Variants in LRRC4B observed in about 807,000 individuals in gnomAD.
The protein encoded by LRRC4B is leucine-rich repeat-containing protein 4B.
LRRC4B carries 1 observed loss-of-function variant against 7.3 expected under a neutral mutation model. The ratio of observed to expected loss-of-function variants is 0.14; its 90% CI spans 0.05 to 0.65. LRRC4B has a LOEUF of 0.65. Among genes scored for constraint, LRRC4B ranks in the 30% least tolerant of loss-of-function variants. The pLI, the probability that LRRC4B is intolerant of heterozygous loss-of-function variation, is 0.84. For synonymous variants in LRRC4B, 500 were observed against 499.2 expected (o/e 1.00, Z -0.02); for missense variants, 730 against 1,041.6 (o/e 0.70, Z 4.12).
intron 1 of LRRC4B, among the ~76,000 whole-genome samples, chr19:50,550,449 TGGACTCTCAGGACCCCCCTCTCAC>T (rs1326767419): frequency 4.1e-5 from 3 of 74,016 alleles, no homozygotes; most frequent in Non-Finnish European, 9.0e-5. Flanking sequence ...CCTCTCACGG[TGGACTCTCAGGACCCCCCTCTCAC>T]GGTGGACTCT....
chr19:50,567,369 C>T (rs1982663983), intron 1 of LRRC4B, among the ~76,000 whole-genome samples: 1 of 151,756 alleles, frequency 6.6e-6, no homozygotes, highest in African/African-American at 2.4e-5. Context: ...TCTCACTCCC[C>T]AATCACCCCC....
At chr19:50,559,707 C>A (rs1173360139) in intron 1 of LRRC4B, among the ~76,000 whole-genome samples, 2 of 152,246 alleles carry the variant, frequency 1.3e-5, no homozygotes, top group African/African-American at 4.8e-5. Context: ...TTTTCTCTCA[C>A]AGGGTTGTGC....
intron 2 of LRRC4B, among the ~76,000 whole-genome samples, chr19:50,543,557 T>C (rs940686752): frequency 2.0e-5 from 3 of 151,588 alleles, no homozygotes; most frequent in Admixed American, 6.6e-5. Flanking sequence ...AACTCAGAAA[T>C]TGGAAATAAG....
Position 50,564,437 on chromosome 19 carries a change from C to T in LRRC4B, c.-36+3507G>A, listed in dbSNP as rs1982561972. Among the ~76,000 whole-genome samples the T allele has an allele frequency of 3.3e-5, 5 of 151,442 alleles. No homozygotes were observed. In the South Asian group the frequency reaches 8.4e-4, roughly 25 times the overall value. ...GCAGGAACAGCAGCAGAGGTGAGGG[C>T]GAGTGACACAGAGGGACAAAGAAGG... is the stretch of plus-strand genomic sequence containing the variant. On this transcript the variant is annotated intron_variant, in intron 1 of 2. Transcript: ENST00000652263.
intron 1 of LRRC4B, chr19:50,557,915 C>A (rs916375485): frequency 6.6e-6 from 1 of 152,098 alleles, no homozygotes; most frequent in East Asian, 1.9e-4. Flanking sequence ...GAGCCCGTTA[C>A]GATGATACAC....
intron 2 of LRRC4B, among the ~76,000 whole-genome samples, chr19:50,544,485 C>T (rs935852428): frequency 3.4e-5 from 5 of 147,828 alleles, no homozygotes; most frequent in Admixed American, 6.8e-5. Flanking sequence ...CCAGCCTGGG[C>T]GACAGAGCGA....
chr19:50,522,459 A>ATTATATAT (rs1555805582), intron 2 of LRRC4B, among the ~76,000 whole-genome samples: 3 of 147,094 alleles, frequency 2.0e-5, no homozygotes, highest in Non-Finnish European at 4.5e-5. Context: ...TATTTTATTT[A>ATTATATAT]TTATTTATTT....
intron 2 of LRRC4B, among the ~76,000 whole-genome samples, chr19:50,542,080 C>T (rs1163625017): frequency 6.6e-6 from 1 of 152,218 alleles, no homozygotes; most frequent in African/African-American, 2.4e-5. Context: ...AGCAACAATA[C>T]CCATTTTGCA....
intron 1 of LRRC4B, among the ~76,000 whole-genome samples, chr19:50,552,598 A>G (rs1324635948): frequency 2.6e-4 from 28 of 109,266 alleles, no homozygotes; most frequent in African/African-American, 9.6e-4. Flanking sequence ...CTGTCCATCC[A>G]TCCATCCATC....
At chr19:50,566,456 C>T (rs1982631938) in intron 1 of LRRC4B, among the ~76,000 whole-genome samples, 1 of 151,532 alleles carries the variant, frequency 6.6e-6, no homozygotes. Flanking sequence ...AATTCCCCAC[C>T]CCGACAGAAA....
intron 2 of LRRC4B, among the ~76,000 whole-genome samples, chr19:50,546,748 C>T (rs570494366): frequency 6.6e-6 from 1 of 152,192 alleles, no homozygotes; most frequent in Admixed American, 6.5e-5. Flanking sequence ...CTCGCCCCCC[C>T]ACAAAGAGAA....
Position 50,548,730 on chromosome 19 carries a change from C to A in LRRC4B, c.109G>T (p.Gly37Cys). The change falls in exon 2 of 3, where the codon GGT becomes TGT. Residue 37 changes from glycine to cysteine, a missense_variant. By Grantham distance (159) the Gly-to-Cys change is radical. Around this residue, in one of 6 missense-constraint regions of LRRC4B, gnomAD observed 143 missense variants for 158.4 expected, o/e 0.90. Coordinates refer to ENST00000652263, the MANE Select transcript of LRRC4B (RefSeq NM_001080457.2). This position sits in a 1 kb window ranked among gnomAD's most constrained non-coding sequence, Gnocchi z 6.8. ...LWLFSPPLGAGGGGVAVTSAA... is the reference protein window; with the variant it reads ...LWLFSPPLGACGGGVAVTSAA... ...GACGTCACGGCCACTCCACCTCCAC[C>A]GGCCCCCAGGGGTGGGGAGAAGAGC... is the stretch of plus-strand genomic sequence containing the variant. 6.5e-7 allele frequency: 1 copy of A among 1,540,682 alleles called. No individual in the cohort carries two copies. The highest frequency in any genetic ancestry group is 2.4e-5 in the East Asian group (1 of 41,342).
At chr19:50,558,496 C>G (rs1023487043) in intron 1 of LRRC4B, among the ~76,000 whole-genome samples, 21 of 152,208 alleles carry the variant, frequency 1.4e-4, no homozygotes, top group Non-Finnish European at 1.9e-4. Flanking sequence ...TCCCAAAGTG[C>G]TGGATTATAA....
chr19:50,562,268 C>T (rs1026211191), intron 1 of LRRC4B, among the ~76,000 whole-genome samples: 14 of 152,108 alleles, frequency 9.2e-5, no homozygotes, highest in African/African-American at 3.1e-4. Context: ...TTTGGAGTCC[C>T]GGCTCTGCCA....
At chr19:50,532,236 CA>C (rs1354813999) in intron 2 of LRRC4B, among the ~76,000 whole-genome samples, 1 of 150,478 alleles carries the variant, frequency 6.6e-6, no homozygotes, top group Non-Finnish European at 1.5e-5. Context: ...TCTGTCTCAA[CA>C]AAAACAAAAA....
rs574133739 is a variant in LRRC4B at position 50,563,550 on chromosome 19, A to C, written c.-36+4394T>G. On this transcript the variant is annotated intron_variant, in intron 1 of 2. Transcript: ENST00000652263. The surrounding 1 kb of genome is among the most constrained non-coding windows in gnomAD (Gnocchi z 4.9). Reference sequence around the variant, plus strand: ...CTGGAGGTGAGGCCCTCCCTCCAGAAACAGCGTCCGCATCCCAGGTCCTCT... The same window carrying C: ...CTGGAGGTGAGGCCCTCCCTCCAGACACAGCGTCCGCATCCCAGGTCCTCT... Among the ~76,000 whole-genome samples, 6 of 152,156 alleles carry C rather than the reference A, an allele frequency of 3.9e-5. No homozygotes were observed. The East Asian group carries it at 1.2e-3, about 29-fold the overall frequency.
In LRRC4B at chr19:50,517,519, C is replaced by T. The variant is rs1000628535; in HGVS notation, c.*52G>A. 1.5e-5 allele frequency: 20 copies of T among 1,372,952 alleles called. No individual in the cohort carries two copies. The African/African-American group carries it at 2.1e-4, about 15-fold the overall frequency. 85.0% of individuals were successfully genotyped at this position (1,372,952 alleles called of 1,614,324 possible). On this transcript the variant is annotated 3_prime_UTR_variant, in exon 3 of 3. Coordinates refer to ENST00000652263, the MANE Select transcript of LRRC4B (RefSeq NM_001080457.2). This position sits in a 1 kb window ranked among gnomAD's most constrained non-coding sequence, Gnocchi z 6.6. ...GGGTCCCGGTCAGGCTGCGCCCGGGCTGGGACCTGGGTGGGGGGCTCCACG... is the reference window on the plus strand; with the variant it reads ...GGGTCCCGGTCAGGCTGCGCCCGGGTTGGGACCTGGGTGGGGGGCTCCACG...
Position 50,563,365 on chromosome 19 carries a change from A to G in LRRC4B, c.-36+4579T>C, listed in dbSNP as rs961296910. Among the ~76,000 whole-genome samples, 1 of 152,134 alleles carries G rather than the reference A, an allele frequency of 6.6e-6. No individual in the cohort carries two copies. The highest frequency in any genetic ancestry group is 1.5e-5 in the Non-Finnish European group (1 of 68,000). On this transcript the variant is annotated intron_variant, in intron 1 of 2. Transcript: ENST00000652263. The surrounding 1 kb of genome is among the most constrained non-coding windows in gnomAD (Gnocchi z 4.9). Reference sequence around the variant, plus strand: ...AAGGGAGGTTCTCCCCAGTGGGGACAAAGGGTCTCCAAACTCAGAGTTAAT... The same window carrying G: ...AAGGGAGGTTCTCCCCAGTGGGGACGAAGGGTCTCCAAACTCAGAGTTAAT...
rs553786487 is a variant in LRRC4B at position 50,535,547 on chromosome 19, A to T, written c.297+12995T>A. 2.5e-4 allele frequency among the ~76,000 whole-genome samples: 38 copies of T among 152,238 alleles called. No individual in the cohort carries two copies. In the East Asian group the frequency reaches 2.7e-3, roughly 11 times the overall value. ...TACTGTTGTTTGTGTGTGTGTGTTA[A>T]TTTTTTTACATTCAGATTTTAAAAA... On this transcript the variant is annotated intron_variant, in intron 2 of 2. Transcript: ENST00000652263.
Sources: allele counts gnomAD v4.1 joint callset (sites outside exome capture counted in the v4.1 genomes callset), GRCh38; gene constraint gnomAD v4.1.1; regional missense constraint gnomAD v4.1.1; non-coding constraint Gnocchi (gnomAD v3.1); transcripts MANE v1.5; gene names NCBI Gene and HGNC (gene_info 2026-07-23, HGNC 2026-07-21).